SGCZ: variants seen among roughly 807,000 people sequenced by gnomAD.
The protein encoded by SGCZ is sarcoglycan zeta, also known as zeta-sarcoglycan.
In SGCZ, 40 loss-of-function variants were observed where a neutral mutation model predicts 41.3. That is an observed-to-expected ratio of 0.97 (90% CI 0.75 to 1.26). The LOEUF (loss-of-function observed/expected upper bound fraction) is 1.26, where lower values mean the gene tolerates loss of function less well. Among genes scored for constraint, SGCZ ranks in the 50% most tolerant of loss-of-function variants. The pLI, the probability that SGCZ is intolerant of heterozygous loss-of-function variation, is 0.00. For missense variants in SGCZ, 552 were observed against 369.8 expected, an observed-to-expected ratio of 1.49 and a Z score of -4.04; for synonymous variants, 206 against 137.5, an observed-to-expected ratio of 1.50 and a Z score of -3.49.
chr8:14,492,641 G>C (rs1399459116), intron 2 of SGCZ, among the ~76,000 whole-genome samples: 1 of 152,076 alleles, frequency 6.6e-6, no homozygotes, highest in Non-Finnish European at 1.5e-5. Flanking sequence ...CTTGAGTCTA[G>C]TACAAGTACT....
At chr8:14,603,359 G>A (rs906808092) in intron 1 of SGCZ, among the ~76,000 whole-genome samples, 12 of 152,026 alleles carry the variant, frequency 7.9e-5, no homozygotes, top group Non-Finnish European at 1.6e-4. Flanking sequence ...ATGTCTCACA[G>A]CAAATGATTG....
At chr8:15,214,879 A>G (rs1261880326) in intron 1 of SGCZ, among the ~76,000 whole-genome samples, 1 of 152,200 alleles carries the variant, frequency 6.6e-6, no homozygotes, top group Non-Finnish European at 1.5e-5. Context: ...AGAAATGAAG[A>G]GCAGGTGTTC....
chr8:14,894,219 G>T (rs542046812), intron 1 of SGCZ, among the ~76,000 whole-genome samples: 12 of 150,948 alleles, frequency 7.9e-5, no homozygotes, highest in Non-Finnish European at 1.3e-4. Flanking sequence ...TTTTTCAATT[G>T]TGTTAGCTTT....
intron 1 of SGCZ, among the ~76,000 whole-genome samples, chr8:15,074,519 T>C (rs1039616461): frequency 6.6e-6 from 1 of 152,172 alleles, no homozygotes; most frequent in African/African-American, 2.4e-5. Flanking sequence ...TTCATAAATT[T>C]ATTTCCACAT....
intron 1 of SGCZ, among the ~76,000 whole-genome samples, chr8:14,981,836 C>T (rs1227500620): frequency 6.6e-6 from 1 of 152,150 alleles, no homozygotes; most frequent in Non-Finnish European, 1.5e-5. Flanking sequence ...ATATTCTCTA[C>T]TCAAACATCA....
At chr8:14,471,238 T>C (rs1344179956) in intron 2 of SGCZ, among the ~76,000 whole-genome samples, 1 of 152,192 alleles carries the variant, frequency 6.6e-6, no homozygotes, top group Non-Finnish European at 1.5e-5. Context: ...TGTGTCATTG[T>C]AGAATGTTAT....
At chr8:14,838,652 G>T (rs1225185902) in intron 1 of SGCZ, among the ~76,000 whole-genome samples, 1 of 152,052 alleles carries the variant, frequency 6.6e-6, no homozygotes, top group Non-Finnish European at 1.5e-5. Flanking sequence ...GGCTACTTTT[G>T]CCTTCCTTTT....
chr8:14,830,859 C>A (rs1454757047), intron 1 of SGCZ, among the ~76,000 whole-genome samples: 1 of 152,034 alleles, frequency 6.6e-6, no homozygotes, highest in Admixed American at 6.6e-5. Flanking sequence ...TAAAAAAAGT[C>A]TTTGAAAACT....
intron 1 of SGCZ, among the ~76,000 whole-genome samples, chr8:14,980,342 G>T (rs567143792): frequency 6.6e-6 from 1 of 152,146 alleles, no homozygotes; most frequent in Non-Finnish European, 1.5e-5. Context: ...CAGAGACCTG[G>T]GATACCCAAG....
At chr8:14,995,911 G>C (rs1247126351) in intron 1 of SGCZ, among the ~76,000 whole-genome samples, 1 of 151,798 alleles carries the variant, frequency 6.6e-6, no homozygotes. Context: ...CATTTTCTTT[G>C]CTTTTTTTTT....
At chr8:15,099,277 A>C (rs1806511331) in intron 1 of SGCZ, among the ~76,000 whole-genome samples, 1 of 152,202 alleles carries the variant, frequency 6.6e-6, no homozygotes, top group South Asian at 2.1e-4. Flanking sequence ...ATGTAAAAAA[A>C]TACTAAAATG....
chr8:14,899,381 A>C (rs1360155909), intron 1 of SGCZ, among the ~76,000 whole-genome samples: 1 of 152,218 alleles, frequency 6.6e-6, no homozygotes, highest in African/African-American at 2.4e-5. Context: ...AATGAATGAG[A>C]CTATTCTGAC....
At chr8:15,122,241 T>C (rs929744932) in intron 1 of SGCZ, among the ~76,000 whole-genome samples, 3 of 151,716 alleles carry the variant, frequency 2.0e-5, no homozygotes, top group African/African-American at 7.3e-5. Flanking sequence ...AGTAGTGAAG[T>C]CAAGAAAGGC....
At chr8:14,518,340 G>A (rs1009937701) in intron 2 of SGCZ, among the ~76,000 whole-genome samples, 1 of 152,000 alleles carries the variant, frequency 6.6e-6, no homozygotes, top group African/African-American at 2.4e-5. Flanking sequence ...GTATGCTAGT[G>A]TGTATGTATG....
chr8:14,497,954 G>A (rs1419737419), intron 2 of SGCZ, among the ~76,000 whole-genome samples: 1 of 152,120 alleles, frequency 6.6e-6, no homozygotes, highest in Non-Finnish European at 1.5e-5. Flanking sequence ...CATAAAGGTT[G>A]TTTTTCCTCA....
chr8:14,659,325 G>A (rs1041300020), intron 1 of SGCZ, among the ~76,000 whole-genome samples: 6 of 151,986 alleles, frequency 3.9e-5, no homozygotes, highest in South Asian at 4.1e-4. Context: ...ATGAATATAC[G>A]CATTGCAACA....
intron 1 of SGCZ, among the ~76,000 whole-genome samples, chr8:14,989,224 T>G (rs866600184): frequency 1.7e-4 from 26 of 152,158 alleles, no homozygotes; most frequent in Admixed American, 1.3e-4. Context: ...CAAAATGGTG[T>G]CTGAGAGGTA....
intron 1 of SGCZ, among the ~76,000 whole-genome samples, chr8:15,059,158 T>C (rs900848217): frequency 6.6e-6 from 1 of 152,284 alleles, no homozygotes; most frequent in South Asian, 2.1e-4. Context: ...TGAAAAAATA[T>C]CTACAATTAT....
intron 1 of SGCZ, among the ~76,000 whole-genome samples, chr8:14,573,166 G>A (rs1022559973): frequency 7.0e-6 from 1 of 141,882 alleles, no homozygotes; most frequent in African/African-American, 2.6e-5. Context: ...TTTTAAATTT[G>A]CCTCCAAGCT....
Sources: allele counts gnomAD v4.1 joint callset (sites outside exome capture counted in the v4.1 genomes callset), GRCh38; gene constraint gnomAD v4.1.1; transcripts MANE v1.5; gene names NCBI Gene and HGNC (gene_info 2026-07-23, HGNC 2026-07-21).